The following NRIP1 variants were observed in gnomAD, a reference collection of about 807,000 sequenced individuals.
The protein encoded by NRIP1 is nuclear receptor interacting protein 1.
Under a neutral mutation model 75.0 loss-of-function variants are expected in NRIP1, and 28 were observed. The observed-to-expected ratio is 0.37, with a 90% CI of 0.28 to 0.51. NRIP1 has a LOEUF of 0.51. Ranked by LOEUF, NRIP1 falls within the 20% of genes least tolerant of loss-of-function variation. NRIP1 has a pLI of 0.92. For synonymous variants in NRIP1, 526 were observed against 487.6 expected (o/e 1.08, Z -1.04); for missense variants, 1,435 against 1,343.7 (o/e 1.07, Z -1.06).
intron 2 of NRIP1, among the ~76,000 whole-genome samples, chr21:15,028,251 T>A (rs1415361563): frequency 6.6e-6 from 1 of 152,200 alleles, no homozygotes; most frequent in Non-Finnish European, 1.5e-5. Flanking sequence ...TCACACTAAT[T>A]CCTCTTCAAA....
intron 2 of NRIP1, among the ~76,000 whole-genome samples, chr21:15,039,482 C>T (rs935832783): frequency 2.6e-5 from 4 of 152,110 alleles, no homozygotes; most frequent in African/African-American, 7.2e-5. Flanking sequence ...CAAAATCAAA[C>T]CCACATTAAT....
At chr21:14,973,090 G>T (rs1384922994) in intron 3 of NRIP1, among the ~76,000 whole-genome samples, 1 of 152,178 alleles carries the variant, frequency 6.6e-6, no homozygotes, top group African/African-American at 2.4e-5. Flanking sequence ...TAGAGCTTGT[G>T]CATGTGTCTA....
Position 15,052,260 on chromosome 21 carries a change from G to C in NRIP1, c.-537-8686C>G, listed in dbSNP as rs139439344. On this transcript the variant is annotated intron_variant, in intron 1 of 3. Transcript: ENST00000318948. ...CTAGCTCCAATTCTTTAATCTCCAT[G>C]GTGCTTCTGATTAATAGTTAAACCA... The C allele has an allele frequency of 1.4e-4, 21 of 152,164 alleles. No homozygotes were observed. In the East Asian group the frequency reaches 4.1e-3, roughly 29 times the overall value. The allele number at this position is 152,164 out of a possible 1,614,324, so 9.4% of individuals were successfully genotyped here.
chr21:15,007,583 T>C (rs1311145078), intron 3 of NRIP1, among the ~76,000 whole-genome samples: 1 of 152,220 alleles, frequency 6.6e-6, no homozygotes, highest in Non-Finnish European at 1.5e-5. Flanking sequence ...AGTCTGAATT[T>C]TGTACTTTGA....
intron 2 of NRIP1, among the ~76,000 whole-genome samples, chr21:15,043,281 G>A (rs2088998292): frequency 6.6e-6 from 1 of 152,058 alleles, no homozygotes; most frequent in Non-Finnish European, 1.5e-5. Flanking sequence ...GGTAAAACTG[G>A]TTTACTCTAA....
chr21:15,000,806 C>G (rs1030131820), intron 3 of NRIP1, among the ~76,000 whole-genome samples: 4 of 152,032 alleles, frequency 2.6e-5, no homozygotes, highest in African/African-American at 9.7e-5. Flanking sequence ...AATTTTGATG[C>G]CTATATCCAA....
intron 3 of NRIP1, among the ~76,000 whole-genome samples, chr21:14,983,818 C>A (rs1191652916): frequency 6.6e-6 from 1 of 152,122 alleles, no homozygotes; most frequent in African/African-American, 2.4e-5. Context: ...AACAACAAAG[C>A]CTGGAGGAAA....
At chr21:15,010,199 T>C (rs1466383252) in intron 3 of NRIP1, among the ~76,000 whole-genome samples, 1 of 152,156 alleles carries the variant, frequency 6.6e-6, no homozygotes, top group African/African-American at 2.4e-5. Flanking sequence ...TTTTCAGATA[T>C]GCAAACCACA....
At chr21:14,972,323 T>G (rs1293918265) in intron 3 of NRIP1, among the ~76,000 whole-genome samples, 2 of 152,166 alleles carry the variant, frequency 1.3e-5, no homozygotes, top group Non-Finnish European at 2.9e-5. Flanking sequence ...GTATAGAATA[T>G]AATTGAGAAA....
chr21:14,989,801 G>A (rs1470592056), intron 3 of NRIP1, among the ~76,000 whole-genome samples: 10 of 152,100 alleles, frequency 6.6e-5, no homozygotes, highest in Admixed American at 6.6e-4. Flanking sequence ...TGGAGGTGAG[G>A]AGGAGGGGAG....
chr21:14,984,561 G>T (rs2087339892), intron 3 of NRIP1, among the ~76,000 whole-genome samples: 2 of 152,016 alleles, frequency 1.3e-5, no homozygotes, highest in African/African-American at 4.8e-5. Flanking sequence ...AAACAACAAA[G>T]GATTTAGAAT....
At chr21:15,018,624 C>T (rs1283060026) in intron 2 of NRIP1, among the ~76,000 whole-genome samples, 1 of 152,098 alleles carries the variant, frequency 6.6e-6, no homozygotes, top group Middle Eastern at 3.2e-3. Flanking sequence ...AAAATGGTAA[C>T]AAATTAGGTC....
chr21:15,009,210 A>G (rs7282769), intron 3 of NRIP1, among the ~76,000 whole-genome samples: 20,807 of 152,218 alleles, frequency 0.14, 1,619 homozygotes, highest in East Asian at 0.31. Flanking sequence ...AAAAGAAAGA[A>G]CTTTCTAAAA....
intron 2 of NRIP1, among the ~76,000 whole-genome samples, chr21:15,032,502 A>T (rs192970541): frequency 3.2e-4 from 48 of 152,326 alleles, no homozygotes; most frequent in Middle Eastern, 6.8e-3. Flanking sequence ...GGCTCTAAAA[A>T]AAAAAACCGT....
Position 14,967,692 on chromosome 21 carries a change from A to G in NRIP1, c.501T>C (p.Asp167=), listed in dbSNP as rs1381183938. Residue 167 remains aspartate, a synonymous_variant, in exon 4 of 4, where the codon GAT becomes GAC. Coordinates refer to ENST00000318948, the MANE Select transcript of NRIP1 (RefSeq NM_003489.4). ...TTAAATCCTTCTCCACTTTTAAAGA[A>G]TCATGACTGAGGGCATATCCTTGCT... ...LKEQGYALSH[D]SLKVEKDLRC... is the part of the protein sequence containing the mutation. 13 of 1,614,028 alleles carry G rather than the reference A, an allele frequency of 8.1e-6. No individual in the cohort carries two copies. The highest frequency in any genetic ancestry group is 1.3e-5 in the African/African-American group (1 of 74,936).
intron 3 of NRIP1, among the ~76,000 whole-genome samples, chr21:15,011,962 C>T (rs977233211): frequency 6.6e-6 from 1 of 152,152 alleles, no homozygotes; most frequent in Non-Finnish European, 1.5e-5. Flanking sequence ...ACACTTCATT[C>T]TTTATTTAGT....
intron 3 of NRIP1, among the ~76,000 whole-genome samples, chr21:14,989,747 C>T (rs906026511): frequency 2.0e-5 from 3 of 151,964 alleles, no homozygotes; most frequent in African/African-American, 4.8e-5. Flanking sequence ...TCCCTGACTC[C>T]AAAGTCATGG....
intron 2 of NRIP1, among the ~76,000 whole-genome samples, chr21:15,042,864 C>G (rs1484323202): frequency 6.6e-6 from 1 of 152,334 alleles, no homozygotes; most frequent in Non-Finnish European, 1.5e-5. Context: ...AGTTTCTCAA[C>G]AGATGATTTT....
At chr21:15,054,751 T>C (rs372791590) in intron 1 of NRIP1, among the ~76,000 whole-genome samples, 1 of 152,338 alleles carries the variant, frequency 6.6e-6, no homozygotes, top group Admixed American at 6.5e-5. Context: ...CAAATGCTTA[T>C]AGACATCCTT....
Sources: allele counts gnomAD v4.1 joint callset (sites outside exome capture counted in the v4.1 genomes callset), GRCh38; gene constraint gnomAD v4.1.1; transcripts MANE v1.5; gene names NCBI Gene and HGNC (gene_info 2026-07-23, HGNC 2026-07-21).